The following CAMK2D variants were observed in gnomAD, a reference collection of about 807,000 sequenced individuals.
CAMK2D encodes calcium/calmodulin-dependent protein kinase type II subunit delta.
Under a neutral mutation model 84.0 loss-of-function variants are expected in CAMK2D, and 37 were observed. That is an observed-to-expected ratio of 0.44 (90% CI 0.34 to 0.58). CAMK2D has a LOEUF of 0.58. Ranked by LOEUF, CAMK2D falls within the 20% of genes least tolerant of loss-of-function variation. CAMK2D has a pLI of 0.02. For synonymous variants in CAMK2D, 202 were observed against 212.5 expected, an observed-to-expected ratio of 0.95 and a Z score of 0.43; for missense variants, 448 against 652.5, an observed-to-expected ratio of 0.69 and a Z score of 3.41.
chr4:113,565,086 C>T (rs2098715959), intron 4 of CAMK2D, among the ~76,000 whole-genome samples: 1 of 152,068 alleles, frequency 6.6e-6, no homozygotes, highest in Non-Finnish European at 1.5e-5. Flanking sequence ...AACATTTAAC[C>T]ACAGGATGTG....
chr4:113,525,339 C>G (rs1351692100), intron 8 of CAMK2D, among the ~76,000 whole-genome samples: 1 of 151,976 alleles, frequency 6.6e-6, no homozygotes, highest in Non-Finnish European at 1.5e-5. Flanking sequence ...ATTTTTAGGC[C>G]AAATTGTAGA....
At chr4:113,692,666 T>TCATA (rs1320608788) in intron 2 of CAMK2D, among the ~76,000 whole-genome samples, 2 of 150,638 alleles carry the variant, frequency 1.3e-5, no homozygotes, top group African/African-American at 2.4e-5. Context: ...ATACATATAT[T>TCATA]CATACATACA....
At chr4:113,531,346 A>G (rs1380523150) in intron 7 of CAMK2D, 47 bp from the exon 8 acceptor site, 2 of 947,926 alleles carry the variant, frequency 2.1e-6, no homozygotes, top group African/African-American at 3.2e-5. Flanking sequence ...TGACAAAACA[A>G]TATGAAATGG....
intron 2 of CAMK2D, among the ~76,000 whole-genome samples, chr4:113,708,655 C>T (rs1342738579): frequency 6.6e-6 from 1 of 152,158 alleles, no homozygotes; most frequent in Non-Finnish European, 1.5e-5. Context: ...ACAGTCTACA[C>T]TCTACTCATA....
intron 6 of CAMK2D, among the ~76,000 whole-genome samples, chr4:113,539,162 T>A (rs554813366): frequency 6.6e-6 from 1 of 152,334 alleles, no homozygotes; most frequent in East Asian, 1.9e-4. Flanking sequence ...GTCTACCACA[T>A]TCATGCATTT....
In CAMK2D at chr4:113,735,288, GGAAAAAAAAAAAAA is replaced by G. The variant is rs1419230060; in HGVS notation, c.160+24018_160+24031del. On this transcript the variant is annotated intron_variant, in intron 2 of 20. Coordinates refer to ENST00000511664, the MANE Select transcript of CAMK2D (RefSeq NM_001321571.2). ...CCAACATGGCAAAACCATCTCTACA[GGAAAAAAAAAAAAA>G]AAAAAAAAAAAAAAAAAAAAAAATT... is the stretch of plus-strand genomic sequence containing the variant. Among the ~76,000 whole-genome samples, 550 of 58,986 alleles carry G rather than the reference GGAAAAAAAAAAAAA, an allele frequency of 9.3e-3. 9 individuals carry two copies. Among genetic ancestry groups the G allele is most frequent in the African/African-American group, 0.03 (516 of 17,264 alleles). The allele number at this position is 58,986 out of a possible 152,430, so 38.7% of individuals were successfully genotyped here. A position where few individuals can be genotyped will look rare whatever the true frequency, so the allele number is the denominator to read the frequency against.
At chr4:113,551,615 T>A (rs2098630048) in intron 5 of CAMK2D, among the ~76,000 whole-genome samples, 1 of 152,208 alleles carries the variant, frequency 6.6e-6, no homozygotes. Flanking sequence ...AACTACATGG[T>A]TAGACCAACT....
chr4:113,551,815 G>A (rs909453967), intron 5 of CAMK2D, among the ~76,000 whole-genome samples: 2 of 151,990 alleles, frequency 1.3e-5, no homozygotes, highest in South Asian at 2.1e-4. Flanking sequence ...GGGTGTTTTG[G>A]TTTGTTTTTC....
chr4:113,522,089 A>G (rs1392276206), intron 8 of CAMK2D, among the ~76,000 whole-genome samples: 1 of 152,220 alleles, frequency 6.6e-6, no homozygotes, highest in African/African-American at 2.4e-5. Context: ...TTAGGTAGAA[A>G]GACTATATCA....
chr4:113,674,713 T>G (rs2099311077), intron 2 of CAMK2D, among the ~76,000 whole-genome samples: 1 of 152,100 alleles, frequency 6.6e-6, no homozygotes, highest in African/African-American at 2.4e-5. Flanking sequence ...GAAAACAATT[T>G]CTGACTTGTG....
chr4:113,708,861 A>G (rs1034375203), intron 2 of CAMK2D, among the ~76,000 whole-genome samples: 1 of 152,088 alleles, frequency 6.6e-6, no homozygotes, highest in African/African-American at 2.4e-5. Flanking sequence ...AGTAGCTGAG[A>G]CTACAGGCAT....
At chr4:113,698,462 C>T (rs1163088754) in intron 2 of CAMK2D, among the ~76,000 whole-genome samples, 1 of 152,086 alleles carries the variant, frequency 6.6e-6, no homozygotes, top group African/African-American at 2.4e-5. Context: ...AGGAAAAGCA[C>T]ATGCCATATG....
intron 3 of CAMK2D, among the ~76,000 whole-genome samples, chr4:113,659,395 G>A (rs947369863): frequency 6.6e-6 from 1 of 152,174 alleles, no homozygotes; most frequent in African/African-American, 2.4e-5. Context: ...TTCCTATGTT[G>A]ATATGCTAAT....
At chr4:113,737,154 A>C (rs2099583182) in intron 2 of CAMK2D, among the ~76,000 whole-genome samples, 2 of 152,194 alleles carry the variant, frequency 1.3e-5, no homozygotes, top group Admixed American at 6.5e-5. Context: ...ATCCAATTAG[A>C]ATGTTCAATT....
intron 2 of CAMK2D, among the ~76,000 whole-genome samples, chr4:113,699,497 C>T (rs574493469): frequency 1.5e-4 from 23 of 152,224 alleles, no homozygotes; most frequent in Admixed American, 3.9e-4. Flanking sequence ...GACACTACCA[C>T]GTTTCTACTC....
rs2285705 is a variant in CAMK2D, at chr4:113,551,993, T to C, written c.341+38A>G. 5,834 of 936,752 alleles carry C rather than the reference T, an allele frequency of 6.2e-3. 171 individuals carry two copies. In the East Asian group the frequency reaches 0.093, roughly 15 times the overall value. 58.0% of individuals were successfully genotyped at this position (936,752 alleles called of 1,614,324 possible). ...ATATGCTGAAAAAGTATTATTTGAA[T>C]GTTGAGTCTTGTATCTTGCCCAGGG... is the stretch of plus-strand genomic sequence containing the variant. On this transcript the variant is annotated intron_variant, in intron 5 of 20. Transcript: ENST00000511664.
At chr4:113,561,401 A>G (rs968656499) in intron 4 of CAMK2D, among the ~76,000 whole-genome samples, 1 of 152,120 alleles carries the variant, frequency 6.6e-6, no homozygotes, top group African/African-American at 2.4e-5. Flanking sequence ...TAGAGCCCAG[A>G]GGGTAGAGGT....
At chr4:113,549,705 A>G (rs916267404) in intron 5 of CAMK2D, among the ~76,000 whole-genome samples, 1 of 152,238 alleles carries the variant, frequency 6.6e-6, no homozygotes, top group African/African-American at 2.4e-5. Context: ...TCATTGAAAG[A>G]TGAAGCAAAC....
chr4:113,479,964 T>C (rs2097680119), intron 16 of CAMK2D, among the ~76,000 whole-genome samples: 1 of 152,070 alleles, frequency 6.6e-6, no homozygotes, highest in Non-Finnish European at 1.5e-5. Context: ...GACATATTAT[T>C]ATTATTTTTG....
Sources: allele counts gnomAD v4.1 joint callset (sites outside exome capture counted in the v4.1 genomes callset), GRCh38; gene constraint gnomAD v4.1.1; transcripts MANE v1.5; gene names NCBI Gene and HGNC (gene_info 2026-07-23, HGNC 2026-07-21).